CEP112: variants seen among roughly 807,000 people sequenced by gnomAD.
CEP112 encodes centrosomal protein of 112 kDa.
A neutral mutation model predicts 153.0 loss-of-function variants in CEP112; 127 were observed. That is an observed-to-expected ratio of 0.83 (90% CI 0.72 to 0.96). The LOEUF (loss-of-function observed/expected upper bound fraction) is 0.96, where lower values mean the gene tolerates loss of function less well. Ranked by LOEUF, CEP112 falls within the 40% of genes least tolerant of loss-of-function variation. CEP112 has a pLI of 0.00. For synonymous variants in CEP112, 358 were observed against 374.4 expected (o/e 0.96, Z 0.51); for missense variants, 1,089 against 1,101.2 (o/e 0.99, Z 0.16).
intron 18 of CEP112, among the ~76,000 whole-genome samples, chr17:65,937,622 G>T (rs1442041711): frequency 1.0e-5 from 1 of 95,832 alleles, no homozygotes; most frequent in Non-Finnish European, 2.1e-5. Context: ...GAGGTGGGGG[G>T]GTCAGCCCCC....
At chr17:65,801,176 A>G (rs1253653184) in intron 21 of CEP112, among the ~76,000 whole-genome samples, 1 of 151,960 alleles carries the variant, frequency 6.6e-6, no homozygotes, top group Non-Finnish European at 1.5e-5. Context: ...CTCCAACTTC[A>G]GCTTCCTGAG....
At chr17:65,761,266 C>T (rs1324435676) in intron 21 of CEP112, among the ~76,000 whole-genome samples, 1 of 151,542 alleles carries the variant, frequency 6.6e-6, no homozygotes, top group East Asian at 1.9e-4. Context: ...TTCTTTTAAA[C>T]TTTTTTTAAA....
intron 18 of CEP112, among the ~76,000 whole-genome samples, chr17:65,946,488 T>C (rs999305189): frequency 3.3e-5 from 5 of 152,212 alleles, no homozygotes; most frequent in African/African-American, 1.2e-4. Flanking sequence ...ACTGATCATA[T>C]AGGTGTGGGT....
At chr17:65,871,590 G>A (rs1215656185) in intron 20 of CEP112, among the ~76,000 whole-genome samples, 1 of 152,232 alleles carries the variant, frequency 6.6e-6, no homozygotes, top group South Asian at 2.1e-4. Context: ...AGCCAAGATC[G>A]CACCACTGCA....
At chr17:65,638,725 G>T (rs1255770830) in intron 25 of CEP112, among the ~76,000 whole-genome samples, 1 of 152,102 alleles carries the variant, frequency 6.6e-6, no homozygotes. Flanking sequence ...AACTAAATTT[G>T]CTCACTGTAT....
intron 21 of CEP112, among the ~76,000 whole-genome samples, chr17:65,774,122 G>A (rs1226425746): frequency 3.3e-5 from 5 of 149,886 alleles, no homozygotes; most frequent in African/African-American, 7.4e-5. Context: ...GGATTTAAAC[G>A]ATAACCAGGG....
At chr17:65,938,954 G>A (rs1329806517) in intron 18 of CEP112, among the ~76,000 whole-genome samples, 1 of 151,982 alleles carries the variant, frequency 6.6e-6, no homozygotes, top group East Asian at 1.9e-4. Flanking sequence ...TGGGATTACA[G>A]GTGCTCGCCA....
rs375989511 is a variant in CEP112, at chr17:65,879,065, C to T, written c.2163+23087G>A. On this transcript the variant is annotated intron_variant, in intron 20 of 26. Transcript: ENST00000535342. Reference sequence around the variant, plus strand: ...ACACAACAAATCACTATCCCATCTGCGTAAACTGAATAATGCATCCCTTTC... The same window carrying T: ...ACACAACAAATCACTATCCCATCTGTGTAAACTGAATAATGCATCCCTTTC... Among the ~76,000 whole-genome samples the T allele has an allele frequency of 1.5e-4, 23 of 152,260 alleles. No homozygotes were observed. The East Asian group carries it at 3.7e-3, about 24-fold the overall frequency.
At chr17:65,662,829 T>A (rs906194949) in intron 24 of CEP112, among the ~76,000 whole-genome samples, 1 of 152,156 alleles carries the variant, frequency 6.6e-6, no homozygotes, top group Admixed American at 6.5e-5. Flanking sequence ...TCCAACTTCA[T>A]CTATAAGTGA....
intron 11 of CEP112, among the ~76,000 whole-genome samples, chr17:66,054,863 TCTC>T (rs1316994816): frequency 2.0e-5 from 3 of 152,202 alleles, no homozygotes; most frequent in Non-Finnish European, 2.9e-5. Context: ...TTCACGTGAT[TCTC>T]CTGCCTCAGC....
intron 22 of CEP112, among the ~76,000 whole-genome samples, chr17:65,744,550 G>A (rs1598448950): frequency 6.6e-6 from 1 of 152,134 alleles, no homozygotes; most frequent in South Asian, 2.1e-4. Flanking sequence ...TGGCCACTCC[G>A]TTATGTTTCT....
At chr17:65,965,555 C>T (rs1289680100) in intron 17 of CEP112, among the ~76,000 whole-genome samples, 2 of 128,726 alleles carry the variant, frequency 1.6e-5, no homozygotes, top group African/African-American at 2.8e-5. Flanking sequence ...CAGGGTATTG[C>T]TCTGTCGCCC....
At chr17:65,662,314 C>T (rs901783997) in intron 24 of CEP112, among the ~76,000 whole-genome samples, 2 of 152,126 alleles carry the variant, frequency 1.3e-5, no homozygotes, top group African/African-American at 2.4e-5. Context: ...ACCAGTGCAA[C>T]CTTAAGAAAC....
At chr17:65,907,419 T>C (rs2060124798) in intron 19 of CEP112, among the ~76,000 whole-genome samples, 1 of 152,226 alleles carries the variant, frequency 6.6e-6, no homozygotes, top group Non-Finnish European at 1.5e-5. Flanking sequence ...TGATTCTACT[T>C]AATGAACAAA....
At position 66,062,992 on chromosome 17, in the gene CEP112, C is replaced by A. The variant is rs1324098678; in HGVS notation, c.1045G>T (p.Glu349Ter). 1 of 1,592,914 alleles carries A rather than the reference C, an allele frequency of 6.3e-7. No individual in the cohort carries two copies. The highest frequency in any genetic ancestry group is 8.6e-7 in the Non-Finnish European group (1 of 1,168,674). ...TTTTCCCAGTCATTATTTAGAGATTCCGTACTTTGTTCACATATCTTTTTC... is the reference window on the plus strand; with the variant it reads ...TTTTCCCAGTCATTATTTAGAGATTACGTACTTTGTTCACATATCTTTTTC... ...ELKKICEQST[E>*]SLNNDWEKKL... Residue 349 changes from glutamate to a stop codon, truncating the protein, a stop_gained, in exon 11 of 27, where the codon GAA (glutamate) becomes TAA (stop). Transcript: ENST00000535342. LOFTEE classifies it high-confidence loss of function.
chr17:65,908,144 A>G (rs1458958094), intron 19 of CEP112, among the ~76,000 whole-genome samples: 1 of 152,200 alleles, frequency 6.6e-6, no homozygotes, highest in Non-Finnish European at 1.5e-5. Context: ...AAAAGAGGGA[A>G]GGCTTCAAGT....
rs191433285 is a variant in CEP112 at position 66,012,578 on chromosome 17, G to A, written c.1657-6809C>T. ...GCCCCCAATGTCTTCTGATTTGTACGGTTTCTTCTGAGAGGTCTGCTGTTA... is the reference window on the plus strand; with the variant it reads ...GCCCCCAATGTCTTCTGATTTGTACAGTTTCTTCTGAGAGGTCTGCTGTTA... On this transcript the variant is annotated intron_variant, in intron 16 of 26. Transcript: ENST00000535342. Among the ~76,000 whole-genome samples the A allele has an allele frequency of 3.1e-3, 474 of 152,272 alleles. 2 individuals carry two copies. The highest frequency in any genetic ancestry group is 0.011 in the African/African-American group (442 of 41,550).
chr17:65,675,261 T>C (rs1033679889), intron 24 of CEP112, among the ~76,000 whole-genome samples: 1 of 152,180 alleles, frequency 6.6e-6, no homozygotes, highest in African/African-American at 2.4e-5. Context: ...CTAAAAAAAG[T>C]ATATCTATAA....
chr17:65,721,038 G>T (rs1301341705), intron 23 of CEP112, among the ~76,000 whole-genome samples: 1 of 136,642 alleles, frequency 7.3e-6, no homozygotes, highest in Non-Finnish European at 1.5e-5. Flanking sequence ...TTGAGACGGA[G>T]TCTCGCTCTG....
Sources: gnomAD v4.1 joint callset for allele counts (sites outside exome capture counted in the v4.1 genomes callset) on GRCh38, gnomAD v4.1.1 for gene constraint, MANE v1.5 for transcripts, NCBI Gene and HGNC (gene_info 2026-07-23, HGNC 2026-07-21) for gene names.